WIPF1: variants seen among roughly 807,000 people sequenced by gnomAD.
The protein encoded by WIPF1 is WAS/WASL interacting protein family member 1, also known as WAS/WASL-interacting protein family member 1.
WIPF1 carries 13 observed loss-of-function variants against 35.4 expected under a neutral mutation model. The observed-to-expected ratio is 0.37, with a 90% CI of 0.24 to 0.58. The LOEUF is 0.58. Among genes scored for constraint, WIPF1 ranks in the 20% least tolerant of loss-of-function variants. WIPF1 has a pLI of 0.74. For missense variants in WIPF1, 591 were observed against 667.0 expected (o/e 0.89, Z 1.25); for synonymous variants, 267 against 266.3 (o/e 1.00, Z -0.02).
At chr2:174,603,595 C>G in intron 1 of WIPF1, among the ~76,000 whole-genome samples, 1 of 152,158 alleles carries the variant, frequency 6.6e-6, no homozygotes, top group East Asian at 1.9e-4. Flanking sequence ...AGTGTGTTGG[C>G]TATTTCTTGT....
intron 1 of WIPF1, among the ~76,000 whole-genome samples, chr2:174,609,162 T>G (rs1205969399): frequency 6.6e-6 from 1 of 152,224 alleles, no homozygotes; most frequent in Non-Finnish European, 1.5e-5. Context: ...TGATCTGCAA[T>G]GTACCACACT....
intron 1 of WIPF1, among the ~76,000 whole-genome samples, chr2:174,671,370 T>C (rs1688014129): frequency 6.6e-6 from 1 of 152,208 alleles, no homozygotes; most frequent in African/African-American, 2.4e-5. Context: ...AAGCTGAGGA[T>C]GTATGTTGCC....
chr2:174,628,034 C>T (rs1686903548), intron 1 of WIPF1, among the ~76,000 whole-genome samples: 1 of 152,070 alleles, frequency 6.6e-6, no homozygotes, highest in African/African-American at 2.4e-5. Context: ...CTACATCAAG[C>T]ACAGAGCGTT....
chr2:174,671,696 A>G (rs1688022510), intron 1 of WIPF1, among the ~76,000 whole-genome samples: 1 of 152,206 alleles, frequency 6.6e-6, no homozygotes, highest in South Asian at 2.1e-4. Flanking sequence ...TTATGGTTGA[A>G]GATAAGGGAT....
chr2:174,581,083 G>A, intron 3 of WIPF1: 2 of 381,820 alleles, frequency 5.2e-6, no homozygotes, highest in Non-Finnish European at 9.3e-6. Context: ...AATTGCTGCT[G>A]TGTATGTCTT....
intron 1 of WIPF1, among the ~76,000 whole-genome samples, chr2:174,679,286 T>G (rs1688202446): frequency 6.6e-6 from 1 of 152,086 alleles, no homozygotes; most frequent in African/African-American, 2.4e-5. Flanking sequence ...CTGACCAACG[T>G]GGTGAAACAC....
chr2:174,661,710 A>T (rs1184594760), intron 1 of WIPF1, among the ~76,000 whole-genome samples: 1 of 152,164 alleles, frequency 6.6e-6, no homozygotes, highest in Admixed American at 6.5e-5. Flanking sequence ...ACTTTATGAT[A>T]GGGACCTTGC....
At chr2:174,639,697 C>T (rs978006486) in intron 1 of WIPF1, among the ~76,000 whole-genome samples, 1 of 152,140 alleles carries the variant, frequency 6.6e-6, no homozygotes, top group African/African-American at 2.4e-5. Context: ...CTTTGCTGTG[C>T]AAAAGCTTTT....
At chr2:174,582,820 T>G (rs1685283581) in intron 2 of WIPF1, among the ~76,000 whole-genome samples, 1 of 152,242 alleles carries the variant, frequency 6.6e-6, no homozygotes, top group South Asian at 2.1e-4. Context: ...GTTGGAAGCA[T>G]CTTGAAATAA....
intron 1 of WIPF1, among the ~76,000 whole-genome samples, chr2:174,595,127 T>A (rs1347627052): frequency 2.0e-4 from 18 of 88,892 alleles, no homozygotes; most frequent in African/African-American, 3.8e-4. Context: ...TATATATATA[T>A]ATATATATAT....
intron 1 of WIPF1, among the ~76,000 whole-genome samples, chr2:174,595,109 A>AAAATATATATAT (rs1553529785): frequency 6.9e-5 from 4 of 57,750 alleles, no homozygotes; most frequent in African/African-American, 1.8e-4. Context: ...AAAAAAAAAA[A>AAAATATATATAT]ATATATATAT....
At chr2:174,669,323 A>C (rs1180476148) in intron 1 of WIPF1, among the ~76,000 whole-genome samples, 1 of 152,210 alleles carries the variant, frequency 6.6e-6, no homozygotes, top group African/African-American at 2.4e-5. Context: ...CTCCAATATA[A>C]GTGAAGAAGT....
At chr2:174,672,202 T>C (rs1281520502) in intron 1 of WIPF1, among the ~76,000 whole-genome samples, 2 of 152,292 alleles carry the variant, frequency 1.3e-5, no homozygotes, top group Non-Finnish European at 1.5e-5. Context: ...CCCCCAATAA[T>C]AGATGGTGAG....
At chr2:174,661,614 T>C (rs1687760710) in intron 1 of WIPF1, among the ~76,000 whole-genome samples, 1 of 152,198 alleles carries the variant, frequency 6.6e-6, no homozygotes, top group Non-Finnish European at 1.5e-5. Flanking sequence ...CTCTGCTTTT[T>C]TCACAGCCCT....
intron 1 of WIPF1, among the ~76,000 whole-genome samples, chr2:174,627,643 C>T (rs953324904): frequency 2.0e-5 from 3 of 151,694 alleles, no homozygotes; most frequent in Admixed American, 2.0e-4. Flanking sequence ...ACCTGCTGGG[C>T]TCAAGTGATC....
chr2:174,637,752 A>G (rs910232417), intron 1 of WIPF1, among the ~76,000 whole-genome samples: 5 of 152,212 alleles, frequency 3.3e-5, no homozygotes, highest in Non-Finnish European at 5.9e-5. Context: ...GCGCCACTGC[A>G]CTCCAGCCTG....
At chr2:174,628,717 A>G (rs752422048) in intron 1 of WIPF1, among the ~76,000 whole-genome samples, 1 of 152,102 alleles carries the variant, frequency 6.6e-6, no homozygotes, top group Non-Finnish European at 1.5e-5. Flanking sequence ...TTTCCCCCTT[A>G]TGTCACCAGT....
At chr2:174,627,115 C>G (rs1686862181) in intron 1 of WIPF1, among the ~76,000 whole-genome samples, 1 of 152,218 alleles carries the variant, frequency 6.6e-6, no homozygotes, top group Non-Finnish European at 1.5e-5. Context: ...GACAGCTGCC[C>G]TTACCAGCTC....
chr2:174,645,579 C>G (rs964888890), intron 1 of WIPF1, among the ~76,000 whole-genome samples: 1 of 152,180 alleles, frequency 6.6e-6, no homozygotes, highest in Non-Finnish European at 1.5e-5. Context: ...CCTGCAAAAG[C>G]CAGCAAATGC....
Sources: gnomAD v4.1 joint callset for allele counts (sites outside exome capture counted in the v4.1 genomes callset) on GRCh38, gnomAD v4.1.1 for gene constraint, MANE v1.5 for transcripts, NCBI Gene and HGNC (gene_info 2026-07-23, HGNC 2026-07-21) for gene names.